TENM3: variants seen among roughly 807,000 people sequenced by gnomAD.
TENM3 encodes teneurin transmembrane protein 3.
TENM3 carries 63 observed loss-of-function variants against 255.1 expected under a neutral mutation model. The ratio of observed to expected loss-of-function variants is 0.25; its 90% confidence interval spans 0.20 to 0.30. The LOEUF (loss-of-function observed/expected upper bound fraction) is 0.30. Among genes scored for constraint, TENM3 ranks in the 10% least tolerant of loss-of-function variants. TENM3 has a pLI of 1.00. For missense variants in TENM3, 2,929 were observed against 3,461.1 expected, an observed-to-expected ratio of 0.85 and a Z score of 3.86; for synonymous variants, 1,306 against 1,322.3, an observed-to-expected ratio of 0.99 and a Z score of 0.27.
In TENM3 at chr4:182,618,094, T is replaced by C. The variant is rs187653798; in HGVS notation, c.750-10557T>C. ...AAACATTGAAGGAAACAAACTATTT[T>C]CTATGAAGATAACTGCTTATGAAGT... On this transcript the variant is annotated intron_variant, in intron 4 of 27. Transcript: ENST00000511685. Among the ~76,000 whole-genome samples, 323 of 152,318 alleles carry C rather than the reference T, an allele frequency of 2.1e-3. 2 individuals are homozygous for C. Among genetic ancestry groups the C allele is most frequent in the African/African-American group, 7.2e-3 (301 of 41,582 alleles).
intron 3 of TENM3, among the ~76,000 whole-genome samples, chr4:182,557,840 C>T (rs1285371745): frequency 6.6e-6 from 1 of 152,148 alleles, no homozygotes; most frequent in Non-Finnish European, 1.5e-5. Context: ...ACACTTTTAC[C>T]TAGATGTCTC....
At chr4:182,136,201 C>A in the TENM3 span, among the ~76,000 whole-genome samples, 5 of 151,922 alleles carry the variant, frequency 3.3e-5, no homozygotes, top group Admixed American at 6.6e-5. Context: ...TTAGGGAATA[C>A]CTCCATGTAA....
intron 1 of TENM3, among the ~76,000 whole-genome samples, chr4:182,284,283 G>C (rs1760589060): frequency 6.6e-6 from 1 of 152,118 alleles, no homozygotes; most frequent in South Asian, 2.1e-4. Context: ...ATTATATGTT[G>C]CATGACTCTA....
At chr4:181,883,992 G>C in the TENM3 span, among the ~76,000 whole-genome samples, 2 of 152,048 alleles carry the variant, frequency 1.3e-5, no homozygotes, top group South Asian at 2.1e-4. Context: ...CTGGTCCCTC[G>C]GGGAAGTAAC....
At chr4:182,118,806 C>T in the TENM3 span, among the ~76,000 whole-genome samples, 2 of 152,186 alleles carry the variant, frequency 1.3e-5, no homozygotes, top group African/African-American at 2.4e-5. Context: ...ATAAACCCCA[C>T]TTGGCCGTGG....
At chr4:182,420,775 T>C (rs72995471) in intron 3 of TENM3, among the ~76,000 whole-genome samples, 4,309 of 152,284 alleles carry the variant, frequency 0.028, 197 homozygotes, top group African/African-American at 0.097. Flanking sequence ...TATAAAAACA[T>C]GCTGGGTTAG....
At chr4:181,957,733 T>C in the TENM3 span, among the ~76,000 whole-genome samples, 2 of 152,142 alleles carry the variant, frequency 1.3e-5, no homozygotes, top group Non-Finnish European at 2.9e-5. Context: ...CAGTAAAAAT[T>C]GATCTTTGGG....
At chr4:181,463,539 ATAG>A in the TENM3 span, among the ~76,000 whole-genome samples, 1 of 152,214 alleles carries the variant, frequency 6.6e-6, no homozygotes, top group East Asian at 1.9e-4. Flanking sequence ...TATATTTAAA[ATAG>A]TAGGCATTCA....
the TENM3 span, among the ~76,000 whole-genome samples, chr4:181,664,480 A>AAC: frequency 1.5e-4 from 15 of 101,770 alleles, no homozygotes; most frequent in Non-Finnish European, 1.9e-4. Flanking sequence ...AAAAAATAAA[A>AAC]AAAAACAAAA....
At chr4:182,176,316 G>A (rs1752486903) in intron 1 of TENM3, among the ~76,000 whole-genome samples, 1 of 139,696 alleles carries the variant, frequency 7.2e-6, no homozygotes. Context: ...ACCACCGTGT[G>A]TCTTTTGGCA....
chr4:182,334,700 A>G lies in TENM3; in HGVS notation c.232+10448A>G, dbSNP rs183119376. Reference sequence around the variant, plus strand: ...AAACAAAAAAAAGGTTTTTCTATTCAGTGGGATTTGATAAATGGTGCTGGC... The same window carrying G: ...AAACAAAAAAAAGGTTTTTCTATTCGGTGGGATTTGATAAATGGTGCTGGC... On this transcript the variant is annotated intron_variant, in intron 2 of 27. Transcript: ENST00000511685. 7.1e-4 allele frequency among the ~76,000 whole-genome samples: 108 copies of G among 152,318 alleles called. 1 individual carries two copies. Among genetic ancestry groups the G allele is most frequent in the African/African-American group, 2.5e-3 (106 of 41,584 alleles).
the TENM3 span, among the ~76,000 whole-genome samples, chr4:181,584,108 A>G: frequency 6.6e-6 from 1 of 152,206 alleles, no homozygotes; most frequent in Non-Finnish European, 1.5e-5. Context: ...TGACATATTC[A>G]TAGTCACTCA....
chr4:182,737,523 T>C (rs770536523), intron 17 of TENM3, among the ~76,000 whole-genome samples: 2 of 152,188 alleles, frequency 1.3e-5, no homozygotes, highest in Non-Finnish European at 2.9e-5. Flanking sequence ...ATGAATTACA[T>C]CAGCTGTTTT....
the TENM3 span, among the ~76,000 whole-genome samples, chr4:181,550,015 G>A: frequency 1.3e-3 from 195 of 152,074 alleles, 1 homozygote; most frequent in African/African-American, 4.4e-3. Flanking sequence ...AAGAGTGCTC[G>A]GGGTTCATTT....
intron 3 of TENM3, among the ~76,000 whole-genome samples, chr4:182,397,686 C>T (rs951716975): frequency 1.3e-5 from 2 of 152,254 alleles, no homozygotes; most frequent in South Asian, 2.1e-4. Context: ...CAATATCATG[C>T]GCTAAACCAG....
At chr4:182,599,607 T>C (rs1747633292) in intron 3 of TENM3, among the ~76,000 whole-genome samples, 1 of 152,168 alleles carries the variant, frequency 6.6e-6, no homozygotes, top group East Asian at 1.9e-4. Flanking sequence ...CATTGTACCC[T>C]GTAAAGAGGT....
intron 3 of TENM3, among the ~76,000 whole-genome samples, chr4:182,382,908 C>T (rs759836966): frequency 2.6e-5 from 4 of 152,284 alleles, no homozygotes; most frequent in Admixed American, 1.3e-4. Context: ...ACCCTTGCTA[C>T]GGTTCTTACA....
In TENM3 at chr4:182,744,263, G is replaced by C. The variant is rs191011260; in HGVS notation, c.3629+844G>C. ...GTTTTCTAAGAATATTTCATCATGA[G>C]AGAGGAAACTCAGTATCACACATCA... is the stretch of plus-strand genomic sequence containing the variant. On this transcript the variant is annotated intron_variant, in intron 19 of 27. Coordinates refer to ENST00000511685, the MANE Select transcript of TENM3 (RefSeq NM_001080477.4). 7.8e-4 allele frequency: 570 copies of C among 732,984 alleles called. 1 individual carries two copies. The highest frequency in any genetic ancestry group is 5.0e-3 in the African/African-American group (260 of 51,912). The allele number at this position is 732,984 out of a possible 1,614,324, so 45.4% of individuals were successfully genotyped here.
At chr4:182,610,744 C>CTT (rs34833684) in intron 4 of TENM3, among the ~76,000 whole-genome samples, 24,439 of 134,248 alleles carry the variant, frequency 0.18, 2,685 homozygotes, top group African/African-American at 0.28. Flanking sequence ...ACTAAAGTTA[C>CTT]TTTTTTTTTT....
Sources: gnomAD v4.1 joint callset for allele counts (sites outside exome capture counted in the v4.1 genomes callset) on GRCh38, gnomAD v4.1.1 for gene constraint, MANE v1.5 for transcripts, NCBI Gene and HGNC (gene_info 2026-07-23, HGNC 2026-07-21) for gene names.